DSCAML1: variants seen among roughly 807,000 people sequenced by gnomAD.
The protein encoded by DSCAML1 is DS cell adhesion molecule like 1.
Under a neutral mutation model 200.5 loss-of-function variants are expected in DSCAML1, and 38 were observed. That is an observed-to-expected ratio of 0.19 (90% CI 0.15 to 0.25). DSCAML1 has a LOEUF of 0.25. DSCAML1 is among the 10% of genes least tolerant of loss of function. The pLI is 1.00. For missense variants in DSCAML1, 2,223 were observed against 2,858.8 expected (o/e 0.78, Z 5.07); for synonymous variants, 1,215 against 1,165.0 (o/e 1.04, Z -0.87).
In DSCAML1 at chr11:117,510,744, T is replaced by C. The variant is rs1339783181; in HGVS notation, c.1784-5012A>G. ...TGCCTGGAATCTAGTGGAGGCACAG[T>C]AGATGTCACTGAATGAATGACATTC... On this transcript the variant is annotated intron_variant, in intron 8 of 32. Coordinates refer to ENST00000651296, the MANE Select transcript of DSCAML1 (RefSeq NM_020693.4). 2.0e-5 allele frequency among the ~76,000 whole-genome samples: 3 copies of C among 152,210 alleles called. No homozygotes were observed. In the East Asian group the frequency reaches 5.8e-4, roughly 29 times the overall value.
At chr11:117,766,907 G>T (rs573336638) in intron 3 of DSCAML1, among the ~76,000 whole-genome samples, 1 of 152,090 alleles carries the variant, frequency 6.6e-6, no homozygotes, top group Non-Finnish European at 1.5e-5. Flanking sequence ...GGGAGCTGCG[G>T]GCATGTTCTC....
In DSCAML1 at chr11:117,480,678, G is replaced by T; in HGVS notation, c.2657-107C>A. 7.4e-7 allele frequency: 1 copy of T among 1,347,574 alleles called. No homozygotes were observed. Among genetic ancestry groups the T allele is most frequent in the Non-Finnish European group, 1.0e-6 (1 of 985,030 alleles). 83.5% of individuals were successfully genotyped at this position (1,347,574 alleles called of 1,614,324 possible). On this transcript the variant is annotated intron_variant, in intron 13 of 32. Transcript: ENST00000651296. The surrounding 1 kb of genome is among the most constrained non-coding windows in gnomAD (Gnocchi z 4.1). ...CACCTGGGTCTAGCCAAGGACTCTG[G>T]CACCCTAGGGTTTGAGCAGGGTGGG...
rs535511483 is a variant in DSCAML1, at chr11:117,456,916, C to T, written c.3568+1838G>A. Among the ~76,000 whole-genome samples the T allele has an allele frequency of 1.1e-4, 16 of 152,192 alleles. No individual in the cohort carries two copies. The South Asian group carries it at 3.1e-3, about 30-fold the overall frequency. On this transcript the variant is annotated intron_variant, in intron 19 of 32. Transcript: ENST00000651296. ...TCTCGCACTCCTGACCTTAGGTGAT[C>T]CACCCACCTCGGCATCCCAAAGTGC... is the stretch of plus-strand genomic sequence containing the variant.
chr11:117,445,227 A>T (rs1364590239), intron 20 of DSCAML1, among the ~76,000 whole-genome samples: 1 of 152,212 alleles, frequency 6.6e-6, no homozygotes, highest in African/African-American at 2.4e-5. Context: ...CTGCAGGGAA[A>T]TGTTAGGGGA....
rs772627093 is a variant in DSCAML1, at chr11:117,518,453, T to A, written c.1510+13A>T. The A allele has an allele frequency of 6.2e-7, 1 of 1,613,966 alleles. No homozygotes were observed. Among genetic ancestry groups the A allele is most frequent in the Admixed American group, 1.7e-5 (1 of 60,006 alleles). The stretch of plus-strand genomic sequence containing the variant: ...TCAAAAACCTATTCTGATATTTAAA[T>A]GTAGACAGGCACCTCTTACGTTTAT... On this transcript the variant is annotated intron_variant, in intron 7 of 32. Transcript: ENST00000651296. The surrounding 1 kb of genome is among the most constrained non-coding windows in gnomAD (Gnocchi z 6.3).
At chr11:117,571,033 C>T (rs1237252651) in intron 3 of DSCAML1, among the ~76,000 whole-genome samples, 1 of 152,236 alleles carries the variant, frequency 6.6e-6, no homozygotes, top group Non-Finnish European at 1.5e-5. Flanking sequence ...GAACCTGTGC[C>T]TATGATGATG....
At chr11:117,721,174 A>G (rs1487382262) in intron 3 of DSCAML1, among the ~76,000 whole-genome samples, 1 of 152,210 alleles carries the variant, frequency 6.6e-6, no homozygotes, top group African/African-American at 2.4e-5. Context: ...TGTTCTGCAC[A>G]CTTGGACTGC....
intron 3 of DSCAML1, among the ~76,000 whole-genome samples, chr11:117,597,721 G>T (rs1190786736): frequency 6.6e-6 from 1 of 152,098 alleles, no homozygotes; most frequent in Non-Finnish European, 1.5e-5. Context: ...CTCCCAAAGT[G>T]CTGGTATTAC....
At chr11:117,601,926 G>T (rs567838820) in intron 3 of DSCAML1, among the ~76,000 whole-genome samples, 1 of 152,220 alleles carries the variant, frequency 6.6e-6, no homozygotes, top group African/African-American at 2.4e-5. Flanking sequence ...CTGGGTTTAG[G>T]TCTATTGTGA....
At chr11:117,589,139 T>G (rs998914593) in intron 3 of DSCAML1, among the ~76,000 whole-genome samples, 4 of 151,962 alleles carry the variant, frequency 2.6e-5, no homozygotes, top group Non-Finnish European at 5.9e-5. Context: ...TCCTCCACCA[T>G]GGTCAAATGC....
intron 3 of DSCAML1, among the ~76,000 whole-genome samples, chr11:117,593,991 G>A (rs932692473): frequency 1.3e-5 from 2 of 152,120 alleles, no homozygotes; most frequent in African/African-American, 4.8e-5. Flanking sequence ...GGGATTACAG[G>A]TGTGAGCCAC....
chr11:117,539,018 C>A (rs2050216314), intron 3 of DSCAML1, among the ~76,000 whole-genome samples: 1 of 152,202 alleles, frequency 6.6e-6, no homozygotes, highest in Non-Finnish European at 1.5e-5. Flanking sequence ...TCCTGCGGCT[C>A]CTCTGTTCAG....
Position 117,438,993 on chromosome 11 carries a change from GA to G in DSCAML1, c.4145-11del. Reference sequence around the variant, plus strand: ...GGCTGGTCCGGGGGAACTGTGAGGGGAAAGCCACCACCCCTTAGCACAAGGG... The same window carrying G: ...GGCTGGTCCGGGGGAACTGTGAGGGGAAGCCACCACCCCTTAGCACAAGGG... On this transcript the variant is annotated splice_polypyrimidine_tract_variant and intron_variant, in intron 23 of 32. Coordinates refer to ENST00000651296, the MANE Select transcript of DSCAML1 (RefSeq NM_020693.4). The G allele has an allele frequency of 6.3e-7, 1 of 1,596,866 alleles. No homozygotes were observed. The highest frequency in any genetic ancestry group is 1.8e-5 in the Admixed American group (1 of 55,356).
Position 117,431,704 on chromosome 11 carries a change from T to C in DSCAML1, c.5204A>G (p.Lys1735Arg). Residue 1735 changes from lysine (K) to arginine (R), a missense_variant, in exon 31 of 33, where the codon AAG (lysine) becomes AGG (arginine). Coordinates refer to ENST00000651296, the MANE Select transcript of DSCAML1 (RefSeq NM_020693.4). ...GTNPVSRKNV[K>R]SAHSTRNRYS... ...CCGGTTCCGGGTGCTGTGGGCTGACTTCACATTCTTCCTGGACACTGGATC... is the reference window on the plus strand; with the variant it reads ...CCGGTTCCGGGTGCTGTGGGCTGACCTCACATTCTTCCTGGACACTGGATC... 6.3e-7 allele frequency: 1 copy of C among 1,594,022 alleles called. No homozygotes were observed. Among genetic ancestry groups the C allele is most frequent in the Non-Finnish European group, 8.6e-7 (1 of 1,168,582 alleles).
Position 117,628,316 on chromosome 11 carries a change from C to T in DSCAML1, c.512-95794G>A, listed in dbSNP as rs554494497. Among the ~76,000 whole-genome samples, 7 of 152,284 alleles carry T rather than the reference C, an allele frequency of 4.6e-5. No individual in the cohort carries two copies. The South Asian group carries it at 1.4e-3, about 32-fold the overall frequency. Reference sequence around the variant, plus strand: ...CAAGGCAGCCTCTGTTCAGGAAGCGCTTCCCAGGGTGGGGAGCGGCTGATC... The same window carrying T: ...CAAGGCAGCCTCTGTTCAGGAAGCGTTTCCCAGGGTGGGGAGCGGCTGATC... On this transcript the variant is annotated intron_variant, in intron 3 of 32. Transcript: ENST00000651296.
chr11:117,654,615 G>T (rs1293192060), intron 3 of DSCAML1, among the ~76,000 whole-genome samples: 1 of 152,162 alleles, frequency 6.6e-6, no homozygotes, highest in Non-Finnish European at 1.5e-5. Context: ...TTATTTAAAT[G>T]GGCAAGATTT....
rs574828870 is a variant in DSCAML1 at position 117,439,053 on chromosome 11, G to C, written c.4145-70C>G. ...GTGATGGGGTGTGGGGAGTCCCCCC[G>C]TGACGGGAAGGTGCTGGCTCTCCCA... is the stretch of plus-strand genomic sequence containing the variant. On this transcript the variant is annotated intron_variant, in intron 23 of 32. Transcript: ENST00000651296. The C allele has an allele frequency of 7.6e-6, 11 of 1,454,076 alleles. No homozygotes were observed. The East Asian group carries it at 1.4e-4, about 19-fold the overall frequency. 90.1% of individuals were successfully genotyped at this position (1,454,076 alleles called of 1,614,324 possible). A position where few individuals can be genotyped will look rare whatever the true frequency, so the allele number is the denominator to read the frequency against.
At chr11:117,536,162 TGGG>T (rs547437513) in intron 3 of DSCAML1, among the ~76,000 whole-genome samples, 1 of 151,974 alleles carries the variant, frequency 6.6e-6, no homozygotes, top group Non-Finnish European at 1.5e-5. Context: ...TTAGTCCCCT[TGGG>T]GGGGCTTGTG....
chr11:117,465,159 G>A lies in DSCAML1; in HGVS notation c.3048C>T (p.Asn1016=), dbSNP rs146838018. 4.3e-5 allele frequency: 69 copies of A among 1,613,728 alleles called. No homozygotes were observed. In the African/African-American group the frequency reaches 6.3e-4, roughly 15 times the overall value. ...TWKAPKKELQ[N]GVIRGYQIGY... ...CAATCTGGTAGCCCCGGATGACACC[G>A]TTCTGCAGCTCCTTCTTGGGTGCCT... The change falls in exon 17 of 33, where the codon AAC becomes AAT. Residue 1016 remains asparagine, a synonymous_variant. Coordinates refer to ENST00000651296, the MANE Select transcript of DSCAML1 (RefSeq NM_020693.4).
Sources: allele counts gnomAD v4.1 joint callset (sites outside exome capture counted in the v4.1 genomes callset), GRCh38; gene constraint gnomAD v4.1.1; non-coding constraint Gnocchi (gnomAD v3.1); transcripts MANE v1.5; gene names NCBI Gene and HGNC (gene_info 2026-07-23, HGNC 2026-07-21).